Variants in CFAP299 observed in about 807,000 individuals in gnomAD.
CFAP299 encodes the protein cilia and flagella associated protein 299, also known as cilia- and flagella-associated protein 299.
In CFAP299, 21 loss-of-function variants were observed where a neutral mutation model predicts 27.0. The ratio of observed to expected loss-of-function variants is 0.78; its 90% CI spans 0.55 to 1.12. The LOEUF (loss-of-function observed/expected upper bound fraction) is 1.12, where lower values mean the gene tolerates loss of function less well. Ranked by LOEUF, CFAP299 falls within the 50% of genes most tolerant of loss-of-function variation. The pLI is 0.00. For synonymous variants in CFAP299, 104 were observed against 98.1 expected, an observed-to-expected ratio of 1.06 and a Z score of -0.36; for missense variants, 310 against 276.6, an observed-to-expected ratio of 1.12 and a Z score of -0.86.
At chr4:80,862,444 A>G (rs1445373361) in intron 3 of CFAP299, among the ~76,000 whole-genome samples, 1 of 152,134 alleles carries the variant, frequency 6.6e-6, no homozygotes, top group Non-Finnish European at 1.5e-5. Flanking sequence ...ACTAGGAGAG[A>G]AAAAAACAAT....
chr4:80,861,122 C>T (rs886332678), intron 3 of CFAP299, among the ~76,000 whole-genome samples: 1 of 152,186 alleles, frequency 6.6e-6, no homozygotes, highest in African/African-American at 2.4e-5. Context: ...TGGCGGGCGC[C>T]CCTCCCCCAG....
chr4:80,730,001 G>A (rs1723412487), intron 3 of CFAP299, among the ~76,000 whole-genome samples: 2 of 152,040 alleles, frequency 1.3e-5, no homozygotes, highest in African/African-American at 4.8e-5. Context: ...AAAATTTAGA[G>A]GTGTCTCTCT....
intron 2 of CFAP299, among the ~76,000 whole-genome samples, chr4:80,458,543 T>C (rs972457621): frequency 6.6e-6 from 1 of 152,248 alleles, no homozygotes; most frequent in Non-Finnish European, 1.5e-5. Flanking sequence ...TTTATATTTA[T>C]AAGATGGTTG....
chr4:80,466,618 G>A (rs1729715177), intron 2 of CFAP299, among the ~76,000 whole-genome samples: 1 of 152,118 alleles, frequency 6.6e-6, no homozygotes, highest in Non-Finnish European at 1.5e-5. Context: ...ACACTTGGAC[G>A]AATTGTTTTG....
chr4:80,692,233 C>G (rs1337504794), intron 3 of CFAP299, among the ~76,000 whole-genome samples: 1 of 152,190 alleles, frequency 6.6e-6, no homozygotes, highest in African/African-American at 2.4e-5. Context: ...GCCCGCATCA[C>G]CAAGTCAATC....
intron 3 of CFAP299, among the ~76,000 whole-genome samples, chr4:80,783,662 T>C (rs1429360248): frequency 6.6e-6 from 1 of 152,178 alleles, no homozygotes; most frequent in African/African-American, 2.4e-5. Context: ...TTCAAAGTGC[T>C]TATACATATA....
intron 3 of CFAP299, among the ~76,000 whole-genome samples, chr4:80,594,485 A>G (rs1736953146): frequency 6.6e-6 from 1 of 152,198 alleles, no homozygotes; most frequent in South Asian, 2.1e-4. Flanking sequence ...ATTGGGCTGA[A>G]TAGGCATATC....
chr4:80,675,361 GAACAGCAAATATTGCAGAGCAGCAA>G (rs1422028370), intron 3 of CFAP299, among the ~76,000 whole-genome samples: 1 of 152,182 alleles, frequency 6.6e-6, no homozygotes, highest in Non-Finnish European at 1.5e-5. Context: ...GGAGGCTGCA[GAACAGCAAATATTGCAGAGCAGCAA>G]ATATTGCTGC....
chr4:80,331,384 G>A (rs539768345), upstream of CFAP299, among the ~76,000 whole-genome samples: 1 of 152,300 alleles, frequency 6.6e-6, no homozygotes, highest in South Asian at 2.1e-4. Context: ...GGTGAGATCC[G>A]TGTTTTTAAG....
chr4:80,699,631 A>C (rs1721342405), intron 3 of CFAP299, among the ~76,000 whole-genome samples: 1 of 152,104 alleles, frequency 6.6e-6, no homozygotes, highest in Non-Finnish European at 1.5e-5. Flanking sequence ...ATTTGAAATA[A>C]CTTCTCAGCT....
At chr4:80,614,418 G>GTTAAA (rs1738165956) in intron 3 of CFAP299, among the ~76,000 whole-genome samples, 1 of 152,142 alleles carries the variant, frequency 6.6e-6, no homozygotes, top group Non-Finnish European at 1.5e-5. Flanking sequence ...TTTAAACTAA[G>GTTAAA]GCACTTCTAT....
At chr4:80,418,780 A>G (rs189617092) in intron 2 of CFAP299, among the ~76,000 whole-genome samples, 12 of 152,310 alleles carry the variant, frequency 7.9e-5, no homozygotes, top group Admixed American at 2.0e-4. Flanking sequence ...TGTATTTAAC[A>G]TAATGCTCTC....
At position 80,335,785 on chromosome 4, in the gene CFAP299, G is replaced by A. The variant is rs775665997; in HGVS notation, c.17G>A (p.Gly6Glu). ...GATACCGCAATGGATCAGGAAGAGG[G>A]GCTGAAGGCCTTGGACAATATTGTC... is the stretch of plus-strand genomic sequence containing the variant. MDQEE[G>E]LKALDNIVTQ... is the part of the protein sequence containing the mutation. Residue 6 changes from glycine to glutamate, a missense_variant, in exon 1 of 6, where the codon GGG becomes GAG. Coordinates refer to ENST00000358105, the MANE Select transcript of CFAP299 (RefSeq NM_152770.3). The A allele has an allele frequency of 3.4e-5, 55 of 1,612,310 alleles. 1 individual carries two copies. The South Asian group carries it at 4.9e-4, about 14-fold the overall frequency.
At chr4:80,562,643 G>A (rs890112338) in intron 2 of CFAP299, among the ~76,000 whole-genome samples, 5 of 146,636 alleles carry the variant, frequency 3.4e-5, no homozygotes, top group Admixed American at 2.7e-4. Context: ...AGGCAATACA[G>A]CGAGACTCAA....
At chr4:80,777,130 C>T (rs185513992) in intron 3 of CFAP299, among the ~76,000 whole-genome samples, 44 of 152,120 alleles carry the variant, frequency 2.9e-4, no homozygotes, top group African/African-American at 1.0e-3. Context: ...AAAAGGTGAC[C>T]ATGCACTCCA....
intron 2 of CFAP299, among the ~76,000 whole-genome samples, chr4:80,555,121 A>G (rs942862786): frequency 4.6e-5 from 7 of 152,118 alleles, no homozygotes; most frequent in Admixed American, 6.6e-5. Context: ...ATTCCGTATG[A>G]TGTTGGCTGT....
intron 3 of CFAP299, among the ~76,000 whole-genome samples, chr4:80,656,982 A>C (rs1345118947): frequency 6.6e-6 from 1 of 152,004 alleles, no homozygotes; most frequent in Non-Finnish European, 1.5e-5. Context: ...ACCTGTGATG[A>C]TGAGCTTTTT....
At chr4:80,963,464 A>AAAG in intron 5 of CFAP299, 53 bp from the exon 6 acceptor site, 1 of 1,294,846 alleles carries the variant, frequency 7.7e-7, no homozygotes, top group Non-Finnish European at 1.1e-6. Flanking sequence ...AAATTTTAAA[A>AAAG]AAGGCCAAGT....
chr4:80,753,921 G>C (rs1031161138), intron 3 of CFAP299, among the ~76,000 whole-genome samples: 2 of 152,004 alleles, frequency 1.3e-5, no homozygotes, highest in Admixed American at 6.6e-5. Context: ...TTTTCCACTA[G>C]AATCTTTAAC....
Sources: allele counts gnomAD v4.1 joint callset (sites outside exome capture counted in the v4.1 genomes callset), GRCh38; gene constraint gnomAD v4.1.1; transcripts MANE v1.5; gene names NCBI Gene and HGNC (gene_info 2026-07-23, HGNC 2026-07-21).